KSR2: variants seen among roughly 807,000 people sequenced by gnomAD.
KSR2 encodes kinase suppressor of ras 2.
KSR2 carries 25 observed loss-of-function variants against 107.8 expected under a neutral mutation model. That is an observed-to-expected ratio of 0.23 (90% confidence interval 0.17 to 0.32). The LOEUF (loss-of-function observed/expected upper bound fraction) is 0.32. Among genes scored for constraint, KSR2 ranks in the 10% least tolerant of loss-of-function variants. The pLI, the probability that KSR2 is intolerant of heterozygous loss-of-function variation, is 1.00. For missense variants in KSR2, 887 were observed against 1,268.9 expected (o/e 0.70, Z 4.57); for synonymous variants, 480 against 507.0 (o/e 0.95, Z 0.71).
intron 1 of KSR2, among the ~76,000 whole-genome samples, chr12:117,962,895 C>T (rs1482613611): frequency 6.6e-6 from 1 of 151,736 alleles, no homozygotes; most frequent in Admixed American, 6.6e-5. Context: ...TAGAAAACTG[C>T]CCCACCAGGC....
At chr12:117,680,939 C>G (rs976702530) in intron 4 of KSR2, among the ~76,000 whole-genome samples, 1 of 152,090 alleles carries the variant, frequency 6.6e-6, no homozygotes, top group African/African-American at 2.4e-5. Flanking sequence ...TGGGGGAATA[C>G]AGACAAACAG....
chr12:117,665,949 G>T (rs542529677), intron 5 of KSR2, among the ~76,000 whole-genome samples: 7 of 152,264 alleles, frequency 4.6e-5, no homozygotes, highest in African/African-American at 1.7e-4. Flanking sequence ...CTTCATCCAC[G>T]CTCATGCAGC....
intron 1 of KSR2, among the ~76,000 whole-genome samples, chr12:117,870,043 A>T (rs1245450913): frequency 6.6e-6 from 1 of 152,192 alleles, no homozygotes; most frequent in African/African-American, 2.4e-5. Context: ...CCAGGGTGTG[A>T]TCCCAAAGCT....
At chr12:117,856,920 T>C (rs1318118206) in intron 2 of KSR2, among the ~76,000 whole-genome samples, 2 of 152,106 alleles carry the variant, frequency 1.3e-5, no homozygotes, top group Admixed American at 1.3e-4. Flanking sequence ...TGAGCTATGG[T>C]GCCTTTTCAA....
chr12:117,917,409 G>A (rs1895211989), intron 1 of KSR2, among the ~76,000 whole-genome samples: 1 of 151,946 alleles, frequency 6.6e-6, no homozygotes. Context: ...GGGTGTGGTG[G>A]TGCATGCCTG....
intron 3 of KSR2, among the ~76,000 whole-genome samples, chr12:117,837,631 T>C (rs1456656620): frequency 2.0e-5 from 3 of 152,152 alleles, no homozygotes; most frequent in South Asian, 4.1e-4. Flanking sequence ...ACAAGGTCTT[T>C]ACAAGTGGAG....
chr12:117,622,990 A>C (rs554510213), intron 5 of KSR2, among the ~76,000 whole-genome samples: 1 of 152,316 alleles, frequency 6.6e-6, no homozygotes, highest in Non-Finnish European at 1.5e-5. Flanking sequence ...GTAGTGACTC[A>C]AAGCACAGGT....
intron 6 of KSR2, among the ~76,000 whole-genome samples, chr12:117,580,256 A>G (rs1163517722): frequency 1.3e-5 from 2 of 152,186 alleles, no homozygotes; most frequent in Non-Finnish European, 2.9e-5. Flanking sequence ...TTCTGAGCAA[A>G]GACACTTACT....
At chr12:117,950,895 C>G (rs1001309088) in intron 1 of KSR2, among the ~76,000 whole-genome samples, 3 of 151,454 alleles carry the variant, frequency 2.0e-5, no homozygotes, top group Admixed American at 6.6e-5. Context: ...TCCTGCCAAC[C>G]AGCGGTTCTT....
chr12:117,557,136 G>A (rs530421464), intron 8 of KSR2, among the ~76,000 whole-genome samples: 2 of 152,318 alleles, frequency 1.3e-5, no homozygotes, highest in East Asian at 1.9e-4. Flanking sequence ...CTGCACTCCA[G>A]CCTGGGCGAC....
chr12:117,502,580 T>C (rs1023180456), intron 14 of KSR2, among the ~76,000 whole-genome samples: 1 of 152,114 alleles, frequency 6.6e-6, no homozygotes, highest in African/African-American at 2.4e-5. Context: ...GTTCTAAAAT[T>C]AGATTTTGGT....
At chr12:117,481,565 C>T (rs1160252685) in intron 16 of KSR2, among the ~76,000 whole-genome samples, 1 of 152,212 alleles carries the variant, frequency 6.6e-6, no homozygotes, top group Non-Finnish European at 1.5e-5. Flanking sequence ...GGACTTTCAG[C>T]CTCCAGAACT....
At chr12:117,557,865 A>G (rs1266454811) in intron 8 of KSR2, among the ~76,000 whole-genome samples, 1 of 152,144 alleles carries the variant, frequency 6.6e-6, no homozygotes, top group Non-Finnish European at 1.5e-5. Flanking sequence ...CTGCACTACA[A>G]AAGTTCCCAA....
chr12:117,797,204 T>A (rs1049016781), intron 3 of KSR2, among the ~76,000 whole-genome samples: 2 of 152,146 alleles, frequency 1.3e-5, no homozygotes, highest in African/African-American at 4.8e-5. Context: ...GCAGCCCTAT[T>A]CACAATAGCC....
Position 117,667,550 on chromosome 12 carries a change from G to T in KSR2, c.1095C>A (p.Leu365=), listed in dbSNP as rs55787786. ...GTGCGTGTCCCACAAAGAAGGAGCG[G>T]AGGGAGCGCTCGGACAGCAGCGGGG... ...QRSPLLSERS[L]RSFFVGHAPF... Residue 365 remains leucine, a synonymous_variant, in exon 5 of 20, where the codon CTC becomes CTA. Coordinates refer to ENST00000339824, the MANE Select transcript of KSR2 (RefSeq NM_173598.6). The T allele has an allele frequency of 1.5e-4, 238 of 1,613,248 alleles. 1 individual carries two copies. In the East Asian group the frequency reaches 3.1e-3, roughly 21 times the overall value.
chr12:117,829,440 T>C (rs1171544296), intron 3 of KSR2, among the ~76,000 whole-genome samples: 2 of 152,222 alleles, frequency 1.3e-5, no homozygotes, highest in Non-Finnish European at 2.9e-5. Context: ...TCTTATTGCA[T>C]CATGACAATA....
chr12:117,880,512 C>T (rs1241062970), intron 1 of KSR2, among the ~76,000 whole-genome samples: 1 of 151,902 alleles, frequency 6.6e-6, no homozygotes, highest in African/African-American at 2.4e-5. Context: ...CAGAATTGTC[C>T]TAATGGAAAA....
intron 1 of KSR2, among the ~76,000 whole-genome samples, chr12:117,867,086 T>G (rs542362230): frequency 6.6e-6 from 1 of 151,754 alleles, no homozygotes; most frequent in East Asian, 1.9e-4. Flanking sequence ...GAGGCCAAGG[T>G]GGGAGGATCG....
intron 1 of KSR2, among the ~76,000 whole-genome samples, chr12:117,949,029 G>A (rs2137561859): frequency 6.6e-6 from 1 of 152,258 alleles, no homozygotes; most frequent in Non-Finnish European, 1.5e-5. Flanking sequence ...GGAAGACTGA[G>A]GTTGCAGCGA....
Sources: gnomAD v4.1 joint callset for allele counts (sites outside exome capture counted in the v4.1 genomes callset) on GRCh38, gnomAD v4.1.1 for gene constraint, MANE v1.5 for transcripts, NCBI Gene and HGNC (gene_info 2026-07-23, HGNC 2026-07-21) for gene names.